MAP2: variants seen among roughly 807,000 people sequenced by gnomAD.
The protein encoded by MAP2 is microtubule associated protein 2, also known as microtubule-associated protein 2.
MAP2 carries 14 observed loss-of-function variants against 137.6 expected under a neutral mutation model. The observed-to-expected ratio is 0.10, with a 90% CI of 0.07 to 0.16. The LOEUF is 0.16. Ranked by LOEUF, MAP2 falls within the 10% of genes least tolerant of loss-of-function variation. MAP2 has a pLI of 1.00. For synonymous variants in MAP2, 786 were observed against 782.3 expected, an observed-to-expected ratio of 1.00 and a Z score of -0.08; for missense variants, 2,088 against 2,191.5, an observed-to-expected ratio of 0.95 and a Z score of 0.94.
intron 2 of MAP2, among the ~76,000 whole-genome samples, chr2:209,522,260 T>C (rs1194759753): frequency 6.6e-6 from 1 of 152,092 alleles, no homozygotes; most frequent in Non-Finnish European, 1.5e-5. Context: ...CATACACTTC[T>C]GAATCAAGGC....
At chr2:209,536,608 C>A (rs1012940154) in intron 2 of MAP2, among the ~76,000 whole-genome samples, 1 of 152,090 alleles carries the variant, frequency 6.6e-6, no homozygotes, top group Non-Finnish European at 1.5e-5. Context: ...TTCCAGAGTC[C>A]GGTGAACAGA....
intron 2 of MAP2, among the ~76,000 whole-genome samples, chr2:209,570,428 C>A (rs1296843200): frequency 6.6e-6 from 1 of 151,862 alleles, no homozygotes; most frequent in Non-Finnish European, 1.5e-5. Context: ...ATTTCCTCAA[C>A]TGTAAAATGG....
At chr2:209,550,576 G>A (rs1417010820) in intron 2 of MAP2, among the ~76,000 whole-genome samples, 1 of 151,946 alleles carries the variant, frequency 6.6e-6, no homozygotes, top group Admixed American at 6.6e-5. Flanking sequence ...ACAACCTCCT[G>A]GATAGTATTT....
intron 5 of MAP2, among the ~76,000 whole-genome samples, chr2:209,664,228 G>C (rs2045133686): frequency 6.6e-6 from 1 of 152,104 alleles, no homozygotes; most frequent in African/African-American, 2.4e-5. Context: ...TAATATGTAT[G>C]TGCTAATACA....
chr2:209,681,411 C>T (rs908229786), intron 7 of MAP2, among the ~76,000 whole-genome samples: 2 of 152,094 alleles, frequency 1.3e-5, no homozygotes, highest in Non-Finnish European at 2.9e-5. Context: ...CCTGTTGAGA[C>T]CTGTTATTGT....
chr2:209,668,013 G>T (rs2047102889), intron 5 of MAP2, among the ~76,000 whole-genome samples: 1 of 152,018 alleles, frequency 6.6e-6, no homozygotes. Flanking sequence ...ATAGCATCCT[G>T]TTCTTACATT....
At chr2:209,494,406 A>G (rs2059492624) in intron 1 of MAP2, among the ~76,000 whole-genome samples, 2 of 151,660 alleles carry the variant, frequency 1.3e-5, no homozygotes, top group African/African-American at 4.9e-5. Flanking sequence ...TGTTCTGCCC[A>G]GGTATCCCAA....
intron 1 of MAP2, among the ~76,000 whole-genome samples, chr2:209,436,022 TAAAA>T: frequency 7.1e-6 from 1 of 140,888 alleles, no homozygotes; most frequent in Non-Finnish European, 1.5e-5. Context: ...ATATTATATA[TAAAA>T]TATATATATA....
intron 3 of MAP2, among the ~76,000 whole-genome samples, chr2:209,586,197 C>A (rs1041930551): frequency 1.3e-5 from 2 of 152,058 alleles, no homozygotes; most frequent in African/African-American, 4.8e-5. Context: ...CTTCAGTGCG[C>A]TTTTGCTGCT....
intron 1 of MAP2, among the ~76,000 whole-genome samples, chr2:209,497,353 CT>C (rs2059874280): frequency 6.6e-6 from 1 of 152,168 alleles, no homozygotes; most frequent in African/African-American, 2.4e-5. Context: ...GAGAATGTGG[CT>C]GTCTACAAGC....
intron 1 of MAP2, among the ~76,000 whole-genome samples, chr2:209,454,763 A>C (rs750672189): frequency 6.6e-6 from 1 of 152,220 alleles, no homozygotes; most frequent in African/African-American, 2.4e-5. Context: ...ATATTTGTGT[A>C]CTAGACTAAG....
intron 4 of MAP2, among the ~76,000 whole-genome samples, chr2:209,644,502 A>G (rs2094271896): frequency 6.6e-6 from 1 of 152,086 alleles, no homozygotes; most frequent in African/African-American, 2.4e-5. Flanking sequence ...TGTTGGCCAA[A>G]CATCCACAGC....
chr2:209,560,961 G>A (rs186142408), intron 2 of MAP2, among the ~76,000 whole-genome samples: 71 of 152,264 alleles, frequency 4.7e-4, no homozygotes, highest in African/African-American at 1.7e-3. Context: ...ATGATGCTTA[G>A]CATCTCATTA....
Position 209,694,851 on chromosome 2 carries a change from G to C in MAP2, c.2681G>C (p.Gly894Ala). The part of the protein sequence containing the change: ...QDSENLSGES[G>A]TFYEGTDDKV... ...AGTGAGAATTTATCAGGGGAGAGTG[G>C]TACCTTTTACGAAGGCACTGATGAT... is the stretch of plus-strand genomic sequence containing the variant. The change falls in exon 8 of 16, where the codon GGT (glycine) becomes GCT (alanine). Residue 894 changes from glycine (G) to alanine (A), a missense_variant. By Grantham distance (60) the Gly-to-Ala change is moderately conservative. Transcript: ENST00000682079. 1 of 1,614,166 alleles carries C rather than the reference G, an allele frequency of 6.2e-7. No individual in the cohort carries two copies. The highest frequency in any genetic ancestry group is 8.5e-7 in the Non-Finnish European group (1 of 1,180,024).
chr2:209,441,359 A>G (rs1317729534), intron 1 of MAP2, among the ~76,000 whole-genome samples: 1 of 151,634 alleles, frequency 6.6e-6, no homozygotes, highest in Non-Finnish European at 1.5e-5. Context: ...TATGGATAAA[A>G]CATTACTCAT....
intron 1 of MAP2, among the ~76,000 whole-genome samples, chr2:209,445,393 A>G (rs2149431920): frequency 1.3e-5 from 2 of 151,850 alleles, no homozygotes; most frequent in Admixed American, 1.3e-4. Context: ...TATTATGCAG[A>G]ATAGATTGAC....
intron 2 of MAP2, among the ~76,000 whole-genome samples, chr2:209,564,592 CA>C (rs1210231352): frequency 6.8e-6 from 1 of 147,380 alleles, no homozygotes; most frequent in African/African-American, 2.5e-5. Flanking sequence ...AACCAAAAGC[CA>C]GGGGTAGCCA....
chr2:209,508,598 A>G (rs1365739211), intron 2 of MAP2, among the ~76,000 whole-genome samples: 1 of 151,778 alleles, frequency 6.6e-6, no homozygotes, highest in East Asian at 1.9e-4. Flanking sequence ...ACACACACAC[A>G]CACACACACA....
intron 1 of MAP2, among the ~76,000 whole-genome samples, chr2:209,489,107 T>C (rs2058757776): frequency 6.6e-6 from 1 of 152,120 alleles, no homozygotes; most frequent in South Asian, 2.1e-4. Context: ...TCAGCAATCT[T>C]TACTGTCCTG....
Sources: gnomAD v4.1 joint callset for allele counts (sites outside exome capture counted in the v4.1 genomes callset) on GRCh38, gnomAD v4.1.1 for gene constraint, MANE v1.5 for transcripts, NCBI Gene and HGNC (gene_info 2026-07-23, HGNC 2026-07-21) for gene names.